RETREG1: variants seen among roughly 807,000 people sequenced by gnomAD.
RETREG1 encodes the protein reticulophagy regulator 1.
Under a neutral mutation model 54.8 loss-of-function variants are expected in RETREG1, and 44 were observed. The ratio of observed to expected loss-of-function variants is 0.80; its 90% CI spans 0.63 to 1.03. RETREG1 has a LOEUF of 1.03. Among genes scored for constraint, RETREG1 ranks in the 50% least tolerant of loss-of-function variants. The probability of loss-of-function intolerance (pLI) is 0.00; values close to 1 mark genes in which losing one functional copy is unlikely to be tolerated. For missense variants in RETREG1, 554 were observed against 605.1 expected (o/e 0.92, Z 0.89); for synonymous variants, 217 against 238.5 (o/e 0.91, Z 0.83).
chr5:16,549,492 G>C (rs1476728458), intron 3 of RETREG1, among the ~76,000 whole-genome samples: 2 of 151,864 alleles, frequency 1.3e-5, no homozygotes, highest in Non-Finnish European at 2.9e-5. Flanking sequence ...TAAAAACTTG[G>C]GATAGTCCTA....
intron 4 of RETREG1, among the ~76,000 whole-genome samples, chr5:16,482,831 T>C (rs1300227749): frequency 6.6e-6 from 1 of 152,160 alleles, no homozygotes; most frequent in South Asian, 2.1e-4. Flanking sequence ...TCATGGGTTT[T>C]ATCTTAATTG....
chr5:16,609,600 G>A (rs1285313691), intron 1 of RETREG1, among the ~76,000 whole-genome samples: 1 of 152,144 alleles, frequency 6.6e-6, no homozygotes, highest in Non-Finnish European at 1.5e-5. Flanking sequence ...AAGGAATGCT[G>A]CATTCCAGGC....
rs537687113 is a variant in RETREG1, at chr5:16,597,280, T to C, written c.320+19372A>G. On this transcript the variant is annotated intron_variant, in intron 1 of 8. Coordinates refer to ENST00000306320, the MANE Select transcript of RETREG1 (RefSeq NM_001034850.3). This position sits in a 1 kb window ranked among gnomAD's most constrained non-coding sequence, Gnocchi z 4.3. Reference sequence around the variant, plus strand: ...CACCTACCTCCTCCAACAGTTGTTATGTATATGGAGTAAGAGACACTACAG... The same window carrying C: ...CACCTACCTCCTCCAACAGTTGTTACGTATATGGAGTAAGAGACACTACAG... Among the ~76,000 whole-genome samples, 1 of 152,226 alleles carries C rather than the reference T, an allele frequency of 6.6e-6. No individual in the cohort carries two copies. Among genetic ancestry groups the C allele is most frequent in the Non-Finnish European group, 1.5e-5 (1 of 68,038 alleles).
chr5:16,591,454 C>A (rs1252347473), intron 1 of RETREG1, among the ~76,000 whole-genome samples: 1 of 152,120 alleles, frequency 6.6e-6, no homozygotes, highest in African/African-American at 2.4e-5. Context: ...AAAAGTGAGT[C>A]GCTGGGGATG....
chr5:16,526,461 T>C (rs1231180381), intron 3 of RETREG1, among the ~76,000 whole-genome samples: 1 of 152,052 alleles, frequency 6.6e-6, no homozygotes, highest in Non-Finnish European at 1.5e-5. Context: ...AAGCATTACA[T>C]GGGAAAAGGT....
intron 1 of RETREG1, among the ~76,000 whole-genome samples, chr5:16,582,133 T>G (rs1742501776): frequency 1.3e-5 from 2 of 152,254 alleles, no homozygotes; most frequent in Non-Finnish European, 2.9e-5. Context: ...ACATAAAGTC[T>G]ATGTGTATAA....
chr5:16,483,792 A>G (rs2126521646), intron 3 of RETREG1, among the ~76,000 whole-genome samples: 1 of 152,248 alleles, frequency 6.6e-6, no homozygotes, highest in South Asian at 2.1e-4. Context: ...ATAGGGTTCC[A>G]GGTAGAACAA....
Position 16,481,063 on chromosome 5 carries a change from A to C in RETREG1, c.616T>G (p.Phe206Val). The C allele has an allele frequency of 6.2e-7, 1 of 1,612,018 alleles. No individual in the cohort carries two copies. The highest frequency in any genetic ancestry group is 8.5e-7 in the Non-Finnish European group (1 of 1,178,470). ...ATGTAACTTCCCAAGATCGTAAAAA[A>C]TGTGCACACACTACAGACCAGGAGA... ...FCLLVCSVCTFFTILGSYIPG... is the reference protein window; with the variant it reads ...FCLLVCSVCTVFTILGSYIPG... The change falls in exon 5 of 9, where the codon TTT becomes GTT. Residue 206 changes from phenylalanine (F) to valine (V), a missense_variant. This residue lies in a region of RETREG1 where 347 missense variants were observed against 412.3 expected (regional missense o/e 0.84). Coordinates refer to ENST00000306320, the MANE Select transcript of RETREG1 (RefSeq NM_001034850.3).
chr5:16,573,742 GT>G (rs34651832), intron 1 of RETREG1, among the ~76,000 whole-genome samples: 2,565 of 126,478 alleles, frequency 0.02, 71 homozygotes, highest in African/African-American at 0.069. Flanking sequence ...TTTGTTTTTT[GT>G]TTTTTTTTTT....
chr5:16,569,575 C>T (rs183016484), intron 2 of RETREG1, among the ~76,000 whole-genome samples: 333 of 152,256 alleles, frequency 2.2e-3, no homozygotes, highest in Non-Finnish European at 4.0e-3. Flanking sequence ...GCTGAAGGCC[C>T]TTCTATTTGA....
chr5:16,608,708 G>T (rs1315800756), intron 1 of RETREG1, among the ~76,000 whole-genome samples: 2 of 152,096 alleles, frequency 1.3e-5, no homozygotes, highest in African/African-American at 4.8e-5. Flanking sequence ...ACCACACTGG[G>T]TAGGGAGCAG....
chr5:16,528,545 C>G (rs560943704), intron 3 of RETREG1, among the ~76,000 whole-genome samples: 1 of 152,034 alleles, frequency 6.6e-6, no homozygotes, highest in African/African-American at 2.4e-5. Context: ...GATTAGGGGG[C>G]CAAGGAGGAG....
Position 16,478,090 on chromosome 5 carries a change from TG to T in RETREG1, c.816del (p.Asp272GlufsTer12). The stretch of plus-strand genomic sequence containing the variant: ...CTGTCATCTTTGTGACTTTTTTCTT[TG>T]TCTGCTTCTGTTGAGGAAAAAATTT... ...NQKKRERSEA[D>X]KEKSHKDDSE... On this transcript the variant is annotated frameshift_variant, in exon 7 of 9. Transcript: ENST00000306320. LOFTEE classifies it high-confidence loss of function. The T allele has an allele frequency of 6.2e-7, 1 of 1,610,830 alleles. No homozygotes were observed. Among genetic ancestry groups the T allele is most frequent in the Non-Finnish European group, 8.5e-7 (1 of 1,177,892 alleles).
chr5:16,504,747 T>A (rs1739877843), intron 3 of RETREG1, among the ~76,000 whole-genome samples: 1 of 152,224 alleles, frequency 6.6e-6, no homozygotes, highest in Non-Finnish European at 1.5e-5. Context: ...CTTTGTTTAC[T>A]TCAGCTCTCT....
chr5:16,518,364 AGGAGGG>A (rs1175336900), intron 3 of RETREG1, among the ~76,000 whole-genome samples: 6 of 150,984 alleles, frequency 4.0e-5, no homozygotes, highest in African/African-American at 1.2e-4. Flanking sequence ...GGCGAGGAGG[AGGAGGG>A]GGAGAGGATG....
At chr5:16,586,630 C>T (rs1303577424) in intron 1 of RETREG1, among the ~76,000 whole-genome samples, 1 of 152,138 alleles carries the variant, frequency 6.6e-6, no homozygotes, top group Non-Finnish European at 1.5e-5. Context: ...AGGGCCTTTC[C>T]CATTCAAATA....
chr5:16,487,943 C>A (rs1739080503), intron 3 of RETREG1, among the ~76,000 whole-genome samples: 1 of 152,200 alleles, frequency 6.6e-6, no homozygotes, highest in African/African-American at 2.4e-5. Flanking sequence ...CAAATAAGCC[C>A]TTCATGCAGT....
chr5:16,528,557 G>T (rs1740803252), intron 3 of RETREG1, among the ~76,000 whole-genome samples: 1 of 152,158 alleles, frequency 6.6e-6, no homozygotes. Flanking sequence ...AAGGAGGAGT[G>T]AGACCTGTCC....
chr5:16,614,845 C>G (rs1743446946), intron 1 of RETREG1, among the ~76,000 whole-genome samples: 1 of 152,172 alleles, frequency 6.6e-6, no homozygotes, highest in Non-Finnish European at 1.5e-5. Flanking sequence ...AGGAAGCAAT[C>G]ACCAAGAAAT....
Sources: gnomAD v4.1 joint callset for allele counts (sites outside exome capture counted in the v4.1 genomes callset) on GRCh38, gnomAD v4.1.1 for gene constraint, gnomAD v4.1.1 regional missense constraint, Gnocchi (gnomAD v3.1) non-coding constraint, MANE v1.5 for transcripts, NCBI Gene and HGNC (gene_info 2026-07-23, HGNC 2026-07-21) for gene names.